COL7A1: variants seen among roughly 807,000 people sequenced by gnomAD.
COL7A1 encodes the protein collagen alpha-1(VII) chain.
In COL7A1, 296 loss-of-function variants were observed where a neutral mutation model predicts 456.2. The ratio of observed to expected loss-of-function variants is 0.65; its 90% CI spans 0.59 to 0.71. The LOEUF (loss-of-function observed/expected upper bound fraction) is 0.71, where lower values mean the gene tolerates loss of function less well. COL7A1 is among the 30% of genes least tolerant of loss of function. The pLI is 0.00. For missense variants in COL7A1, 3,441 were observed against 4,017.2 expected (o/e 0.86, Z 3.88); for synonymous variants, 1,464 against 1,525.9 (o/e 0.96, Z 0.95).
chr3:48,572,308 C>T lies in COL7A1; in HGVS notation c.6978+72G>A, dbSNP rs2043981198. ...TCATGAGGGTGGGTAAACTATGGGT[C>T]GAAGGTCAGAAGTTAGGCCACTGGA... is the stretch of plus-strand genomic sequence containing the variant. On this transcript the variant is annotated intron_variant, in intron 90 of 118. Transcript: ENST00000681320. The surrounding 1 kb of genome is among the most constrained non-coding windows in gnomAD (Gnocchi z 4.6). The T allele has an allele frequency of 8.1e-6, 13 of 1,613,112 alleles. No homozygotes were observed. Among genetic ancestry groups the T allele is most frequent in the Non-Finnish European group, 1.1e-5 (13 of 1,179,258 alleles).
Position 48,585,615 on chromosome 3 carries a change from C to T in COL7A1, c.3836G>A (p.Arg1279Lys). ...GPPGDPGLPG[R>K]TGAPGPQGPP... is the part of the protein sequence containing the mutation. ...CCCCTGGGGGCCGGGAGCACCGGTC[C>T]TGCCCTGAAAGAAGATAGCAGTTAG... The change falls in exon 32 of 119, where the codon AGG (arginine) becomes AAG (lysine). Residue 1279 changes from arginine (R) to lysine (K), a missense_variant. Transcript: ENST00000681320. The surrounding 1 kb of genome is among the most constrained non-coding windows in gnomAD (Gnocchi z 4.5). The T allele has an allele frequency of 1.2e-6, 2 of 1,614,022 alleles. No individual in the cohort carries two copies. Among genetic ancestry groups the T allele is most frequent in the Non-Finnish European group, 1.7e-6 (2 of 1,180,028 alleles).
chr3:48,582,929 T>C (rs2044878686), intron 44 of COL7A1, 84 bp downstream of exon 44: 1 of 1,589,666 alleles, frequency 6.3e-7, no homozygotes, highest in Middle Eastern at 1.7e-4. Context: ...GGAGCAGGGG[T>C]AGCAGGGGTC....
In COL7A1 at chr3:48,581,857, A is replaced by G; in HGVS notation, c.4668+54T>C. 2 of 1,613,780 alleles carry G rather than the reference A, an allele frequency of 1.2e-6. No homozygotes were observed. Among genetic ancestry groups the G allele is most frequent in the Non-Finnish European group, 1.7e-6 (2 of 1,179,758 alleles). ...CCCCCAAGTCCCATAGATAGGCCCTATGACCTAGACCTCAACCCTGTAGAA... is the reference window on the plus strand; with the variant it reads ...CCCCCAAGTCCCATAGATAGGCCCTGTGACCTAGACCTCAACCCTGTAGAA... On this transcript the variant is annotated intron_variant, in intron 48 of 118. Coordinates refer to ENST00000681320, the MANE Select transcript of COL7A1 (RefSeq NM_000094.4). This position sits in a 1 kb window ranked among gnomAD's most constrained non-coding sequence, Gnocchi z 5.8.
Position 48,570,733 on chromosome 3 carries a change from G to C in COL7A1, c.7273-23C>G. 6.4e-7 allele frequency: 1 copy of C among 1,565,376 alleles called. No homozygotes were observed. ...ACCCTACCAGAAAAATGGGGCAAGA[G>C]AGGCAGAGAGTGACTTGGGAACCCT... On this transcript the variant is annotated intron_variant, in intron 95 of 118. Transcript: ENST00000681320. This position sits in a 1 kb window ranked among gnomAD's most constrained non-coding sequence, Gnocchi z 5.5.
intron 44 of COL7A1, 123 bp downstream of exon 44, chr3:48,582,890 A>C: frequency 7.0e-7 from 1 of 1,437,892 alleles, no homozygotes; most frequent in South Asian, 1.1e-5. Flanking sequence ...CTGTATCAGC[A>C]GGGATAAGTG....
At position 48,575,992 on chromosome 3, in the gene COL7A1, C is replaced by G. The variant is rs938849325; in HGVS notation, c.5821-90G>C. ...GGCCTCAGGAAAGCACCTTCACACCCTTTTCCCTAGGCCTCTTGCCCAGAG... is the reference window on the plus strand; with the variant it reads ...GGCCTCAGGAAAGCACCTTCACACCGTTTTCCCTAGGCCTCTTGCCCAGAG... On this transcript the variant is annotated intron_variant, in intron 71 of 118. Transcript: ENST00000681320. This position sits in a 1 kb window ranked among gnomAD's most constrained non-coding sequence, Gnocchi z 6.3. 2.9e-4 allele frequency: 470 copies of G among 1,600,090 alleles called. No individual in the cohort carries two copies. Among genetic ancestry groups the G allele is most frequent in the Non-Finnish European group, 4.0e-4 (463 of 1,168,186 alleles).
intron 16 of COL7A1, 115 bp from the exon 17 acceptor site, chr3:48,589,833 G>C: frequency 1.4e-6 from 2 of 1,460,466 alleles, no homozygotes; most frequent in Non-Finnish European, 1.9e-6. Flanking sequence ...AGAGGAGATG[G>C]TGAATAGGTC....
chr3:48,573,824 G>A lies in COL7A1; in HGVS notation c.6537+31C>T. The A allele has an allele frequency of 1.2e-6, 2 of 1,614,070 alleles. No homozygotes were observed. The highest frequency in any genetic ancestry group is 1.7e-6 in the Non-Finnish European group (2 of 1,179,994). Reference sequence around the variant, plus strand: ...CACTGGGGCAGGGCACAGGATGGGGGCAAGACAGGTGAAGGTTCTTGGGTA... The same window carrying A: ...CACTGGGGCAGGGCACAGGATGGGGACAAGACAGGTGAAGGTTCTTGGGTA... On this transcript the variant is annotated intron_variant, in intron 81 of 118. Transcript: ENST00000681320. This position sits in a 1 kb window ranked among gnomAD's most constrained non-coding sequence, Gnocchi z 5.5.
chr3:48,590,543 C>A lies in COL7A1; in HGVS notation c.1822G>T (p.Val608Leu). ...ACCCTCACTCGCGTTGCATCTGACA[C>A]CACAACCCGCAGCCCTGGAACAGCA... The part of the protein sequence containing the change: ...PLAVPGLRVV[V>L]SDATRVRVAW... Residue 608 changes from valine (V) to leucine (L), a missense_variant, in exon 15 of 119, where the codon GTG becomes TTG. Transcript: ENST00000681320. This position sits in a 1 kb window ranked among gnomAD's most constrained non-coding sequence, Gnocchi z 4.6. The A allele has an allele frequency of 6.2e-7, 1 of 1,614,162 alleles. No homozygotes were observed. The highest frequency in any genetic ancestry group is 8.5e-7 in the Non-Finnish European group (1 of 1,180,042).
chr3:48,573,189 G>GC lies in COL7A1; in HGVS notation c.6698dup (p.Ser2235PhefsTer55). 1.2e-6 allele frequency: 2 copies of GC among 1,614,106 alleles called. No individual in the cohort carries two copies. The highest frequency in any genetic ancestry group is 1.7e-6 in the Non-Finnish European group (2 of 1,180,004). On this transcript the variant is annotated frameshift_variant, in exon 85 of 119. Coordinates refer to ENST00000681320, the MANE Select transcript of COL7A1 (RefSeq NM_000094.4). LOFTEE classifies it high-confidence loss of function. The surrounding 1 kb of genome is among the most constrained non-coding windows in gnomAD (Gnocchi z 5.5). ...ACTCACTCACCACAAGGCCTGAAGG[G>GC]CCGGGGGGTCCAGGAAGTCCCACAG...
At position 48,579,055 on chromosome 3, in the gene COL7A1, C is replaced by T. The variant is rs1427197142; in HGVS notation, c.5389-101G>A. ...ATGGCAAGAACATGCCCCACCCAGG[C>T]AGGGCTCTGGGAGAAGACACAGACA... On this transcript the variant is annotated intron_variant, in intron 62 of 118. Coordinates refer to ENST00000681320, the MANE Select transcript of COL7A1 (RefSeq NM_000094.4). The surrounding 1 kb of genome is among the most constrained non-coding windows in gnomAD (Gnocchi z 4.4). 1.9e-6 allele frequency: 3 copies of T among 1,565,166 alleles called. No homozygotes were observed. Among genetic ancestry groups the T allele is most frequent in the African/African-American group, 2.7e-5 (2 of 73,940 alleles).
chr3:48,580,715 G>A lies in COL7A1; in HGVS notation c.4981-63C>T, dbSNP rs1348504828. The A allele has an allele frequency of 3.2e-5, 50 of 1,585,148 alleles. No individual in the cohort carries two copies. The highest frequency in any genetic ancestry group is 8.1e-5 in the African/African-American group (6 of 73,962). On this transcript the variant is annotated intron_variant, in intron 54 of 118. Transcript: ENST00000681320. The surrounding 1 kb of genome is among the most constrained non-coding windows in gnomAD (Gnocchi z 4.5). ...TATTTTGCAGGTGCCCCTATGACCC[G>A]CTACACTGCCCCAGGTTCCCCATTA... is the stretch of plus-strand genomic sequence containing the variant.
rs776821489 is a variant in COL7A1, at chr3:48,592,758, CACTCCTG to C, written c.846+10_846+16del. 1 of 1,613,484 alleles carries C rather than the reference CACTCCTG, an allele frequency of 6.2e-7. No homozygotes were observed. Among genetic ancestry groups the C allele is most frequent in the East Asian group, 2.2e-5 (1 of 44,878 alleles). ...AGCCAAGTCCCCAGCCACCACCTAT[CACTCCTG>C]ACATCCTACCTCCTGCCGCTCACTC... On this transcript the variant is annotated intron_variant, in intron 7 of 118. Transcript: ENST00000681320. The surrounding 1 kb of genome is among the most constrained non-coding windows in gnomAD (Gnocchi z 7.6).
chr3:48,595,154 C>G lies in COL7A1; in HGVS notation c.6G>C (p.Thr2=). 1 of 1,551,966 alleles carries G rather than the reference C, an allele frequency of 6.4e-7. No individual in the cohort carries two copies. Residue 2 remains threonine, a synonymous_variant, in exon 2 of 119, where the codon ACG becomes ACC. Coordinates refer to ENST00000681320, the MANE Select transcript of COL7A1 (RefSeq NM_000094.4). ...AGAGCGCGGCCACCAGAAGCCGCAG[C>G]GTCATCCTAGGCAGTAAAAGCCGTC... M[T]LRLLVAALCA...
chr3:48,570,973 A>T lies in COL7A1; in HGVS notation c.7165-5T>A. 6.2e-7 allele frequency: 1 copy of T among 1,613,268 alleles called. No individual in the cohort carries two copies. The highest frequency in any genetic ancestry group is 8.5e-7 in the Non-Finnish European group (1 of 1,179,654). ...GCCAGGGAGGCCCAGATCTCCCTGA[A>T]ATAAAAACAGCAAAGGGAGGGAATG... On this transcript the variant is annotated splice_region_variant and splice_polypyrimidine_tract_variant and intron_variant, in intron 94 of 118. Coordinates refer to ENST00000681320, the MANE Select transcript of COL7A1 (RefSeq NM_000094.4). This position sits in a 1 kb window ranked among gnomAD's most constrained non-coding sequence, Gnocchi z 5.5.
chr3:48,567,424 C>T lies in COL7A1; in HGVS notation c.8046+150G>A. On this transcript the variant is annotated intron_variant, in intron 109 of 118. Transcript: ENST00000681320. This position sits in a 1 kb window ranked among gnomAD's most constrained non-coding sequence, Gnocchi z 4.3. ...TCCTAACTCCACTGTGACCCCAACC[C>T]ACCTTGACACCTCGAGACCAGCCCC... 8.5e-6 allele frequency: 10 copies of T among 1,173,396 alleles called. No homozygotes were observed. The highest frequency in any genetic ancestry group is 1.3e-5 in the Non-Finnish European group (10 of 798,608). 72.7% of individuals were successfully genotyped at this position (1,173,396 alleles called of 1,614,324 possible).
chr3:48,573,460 C>G lies in COL7A1; in HGVS notation c.6618+53G>C. The G allele has an allele frequency of 6.2e-7, 1 of 1,613,838 alleles. No individual in the cohort carries two copies. The highest frequency in any genetic ancestry group is 8.5e-7 in the Non-Finnish European group (1 of 1,179,794). On this transcript the variant is annotated intron_variant, in intron 83 of 118. Coordinates refer to ENST00000681320, the MANE Select transcript of COL7A1 (RefSeq NM_000094.4). The surrounding 1 kb of genome is among the most constrained non-coding windows in gnomAD (Gnocchi z 5.5). Reference sequence around the variant, plus strand: ...GGAGGTTGGCGCACACTACCCCAGGCATGGACACAGCTTGAAGGAGCCTCC... The same window carrying G: ...GGAGGTTGGCGCACACTACCCCAGGGATGGACACAGCTTGAAGGAGCCTCC...
In COL7A1 at chr3:48,588,643, C is replaced by G. The variant is rs537416600; in HGVS notation, c.2586G>C (p.Thr862=). 1.2e-6 allele frequency: 2 copies of G among 1,613,724 alleles called. No homozygotes were observed. Among genetic ancestry groups the G allele is most frequent in the Non-Finnish European group, 8.5e-7 (1 of 1,180,044 alleles). Residue 862 remains threonine (T), a splice_region_variant and synonymous_variant, in exon 20 of 119, where the codon ACG becomes ACC. Transcript: ENST00000681320. This position sits in a 1 kb window ranked among gnomAD's most constrained non-coding sequence, Gnocchi z 4.6. The part of the protein sequence containing the change: ...EGTPVSIVVT[T]PPEAPPALGT... ...CTCTCCAGCGCATGCTCTGCCTACG[C>G]GTAGTGACAACAATGGAGACAGGTG...
Position 48,567,089 on chromosome 3 carries a change from C to T in COL7A1, c.8109+39G>A, listed in dbSNP as rs201968323. The T allele has an allele frequency of 3.2e-5, 52 of 1,613,310 alleles. No homozygotes were observed. The highest frequency in any genetic ancestry group is 1.7e-4 in the Middle Eastern group (1 of 6,058). On this transcript the variant is annotated intron_variant, in intron 110 of 118. Transcript: ENST00000681320. The surrounding 1 kb of genome is among the most constrained non-coding windows in gnomAD (Gnocchi z 4.3). The stretch of plus-strand genomic sequence containing the variant: ...GAGATGGACCCTCTCCCAAAGTGCA[C>T]GCTCCCCTCAATTCACCATGACCAT...
Sources: gnomAD v4.1 joint callset for allele counts on GRCh38, gnomAD v4.1.1 for gene constraint, Gnocchi (gnomAD v3.1) non-coding constraint, MANE v1.5 for transcripts, NCBI Gene and HGNC (gene_info 2026-07-23, HGNC 2026-07-21) for gene names.